Variants in KIF26B observed in about 807,000 individuals in gnomAD.
KIF26B encodes the protein kinesin family member 26B, also known as kinesin-like protein KIF26B.
Under a neutral mutation model 151.2 loss-of-function variants are expected in KIF26B, and 63 were observed. The ratio of observed to expected loss-of-function variants is 0.42; its 90% CI spans 0.34 to 0.51. The LOEUF (loss-of-function observed/expected upper bound fraction) is 0.51, where lower values mean the gene tolerates loss of function less well. Ranked by LOEUF, KIF26B falls within the 20% of genes least tolerant of loss-of-function variation. The probability of loss-of-function intolerance (pLI) is 0.07; values close to 1 mark genes in which losing one functional copy is unlikely to be tolerated. For synonymous variants in KIF26B, 1,357 were observed against 1,262.1 expected (o/e 1.08, Z -1.59); for missense variants, 2,813 against 2,913.6 (o/e 0.97, Z 0.79).
chr1:245,207,519 C>T lies in KIF26B; in HGVS notation c.465+50836C>T, dbSNP rs142465305. On this transcript the variant is annotated intron_variant, in intron 2 of 14. Transcript: ENST00000407071. Reference sequence around the variant, plus strand: ...AAGGACTTACAAGGGACTTACAGTCCGGTGAAGAACTAAACAGCAATGGCA... The same window carrying T: ...AAGGACTTACAAGGGACTTACAGTCTGGTGAAGAACTAAACAGCAATGGCA... Among the ~76,000 whole-genome samples the T allele has an allele frequency of 1.0e-3, 152 of 152,200 alleles. 1 individual carries two copies. Among genetic ancestry groups the T allele is most frequent in the East Asian group, 5.4e-3 (28 of 5,168 alleles).
intron 2 of KIF26B, among the ~76,000 whole-genome samples, chr1:245,271,163 G>A (rs1670850213): frequency 6.6e-6 from 1 of 152,130 alleles, no homozygotes; most frequent in Non-Finnish European, 1.5e-5. Context: ...AGCTTTGTAA[G>A]ATGTTTCGAG....
intron 4 of KIF26B, among the ~76,000 whole-genome samples, chr1:245,446,602 T>G (rs1293302646): frequency 6.6e-6 from 1 of 152,160 alleles, no homozygotes; most frequent in African/African-American, 2.4e-5. Flanking sequence ...TTTTGGTCAT[T>G]ATGGAAATTC....
intron 12 of KIF26B, among the ~76,000 whole-genome samples, chr1:245,690,923 T>A (rs891824183): frequency 6.6e-6 from 1 of 152,212 alleles, no homozygotes; most frequent in Non-Finnish European, 1.5e-5. Flanking sequence ...AACGTATTGA[T>A]GAGAGTAAAA....
intron 2 of KIF26B, among the ~76,000 whole-genome samples, chr1:245,261,455 C>T (rs534245057): frequency 6.3e-5 from 9 of 143,628 alleles, no homozygotes; most frequent in Non-Finnish European, 1.2e-4. Flanking sequence ...TGCTTGCTTG[C>T]TTTTTCTTTC....
intron 2 of KIF26B, among the ~76,000 whole-genome samples, chr1:245,264,803 G>T (rs1670711331): frequency 6.6e-6 from 1 of 151,766 alleles, no homozygotes. Context: ...TGACGTAGGA[G>T]AATGGTGTGA....
At chr1:245,591,969 G>T (rs529387667) in intron 5 of KIF26B, among the ~76,000 whole-genome samples, 6 of 152,128 alleles carry the variant, frequency 3.9e-5, no homozygotes, top group Non-Finnish European at 7.4e-5. Context: ...CCTCCAGCGC[G>T]CAGTCCCTTG....
chr1:245,232,676 G>T (rs564866493), intron 2 of KIF26B, among the ~76,000 whole-genome samples: 3 of 151,348 alleles, frequency 2.0e-5, no homozygotes, highest in Non-Finnish European at 4.4e-5. Flanking sequence ...TTAGCCTCCC[G>T]AGTAGCTGGG....
At chr1:245,351,805 G>T (rs1437991409) in intron 2 of KIF26B, among the ~76,000 whole-genome samples, 1 of 152,158 alleles carries the variant, frequency 6.6e-6, no homozygotes, top group Non-Finnish European at 1.5e-5. Context: ...TCTGTTTTGA[G>T]CCTTTGATTA....
Position 245,541,012 on chromosome 1 carries a change from G to A in KIF26B, c.1350+62G>A. On this transcript the variant is annotated intron_variant, in intron 5 of 14. Transcript: ENST00000407071. ...TGCGAGGTTCTGGATCAAGTTTCAG[G>A]AGGAAGAAAATGAGGCCTCCAATGT... is the stretch of plus-strand genomic sequence containing the variant. 2.1e-6 allele frequency: 3 copies of A among 1,435,528 alleles called. No individual in the cohort carries two copies. The South Asian group carries it at 4.0e-5, about 19-fold the overall frequency. 88.9% of individuals were successfully genotyped at this position (1,435,528 alleles called of 1,614,324 possible). A position where few individuals can be genotyped will look rare whatever the true frequency, so the allele number is the denominator to read the frequency against.
intron 4 of KIF26B, among the ~76,000 whole-genome samples, chr1:245,456,991 G>A (rs996816165): frequency 1.3e-5 from 2 of 152,186 alleles, no homozygotes; most frequent in African/African-American, 4.8e-5. Flanking sequence ...TCAGCCTCCT[G>A]TGTAGCTGGG....
At chr1:245,347,214 T>C (rs767912728) in intron 2 of KIF26B, among the ~76,000 whole-genome samples, 3 of 152,202 alleles carry the variant, frequency 2.0e-5, no homozygotes, top group Non-Finnish European at 2.9e-5. Flanking sequence ...TCACTCCTTT[T>C]AGCATACAAA....
chr1:245,321,550 T>C lies in KIF26B; in HGVS notation c.466-45284T>C, dbSNP rs377382597. Among the ~76,000 whole-genome samples, 5 of 152,222 alleles carry C rather than the reference T, an allele frequency of 3.3e-5. 1 individual carries two copies. The highest frequency in any genetic ancestry group is 1.2e-4 in the African/African-American group (5 of 41,458). Reference sequence around the variant, plus strand: ...ATCAGCAAAACTCTCATTTCAGTTCTAGTGTAGCCTAGCCATGCTAGGCTG... The same window carrying C: ...ATCAGCAAAACTCTCATTTCAGTTCCAGTGTAGCCTAGCCATGCTAGGCTG... On this transcript the variant is annotated intron_variant, in intron 2 of 14. Coordinates refer to ENST00000407071, the MANE Select transcript of KIF26B (RefSeq NM_018012.4).
chr1:245,235,578 G>C (rs1234433062), intron 2 of KIF26B, among the ~76,000 whole-genome samples: 1 of 151,858 alleles, frequency 6.6e-6, no homozygotes, highest in Non-Finnish European at 1.5e-5. Flanking sequence ...GGGTGACAGA[G>C]ACTCTGGAAA....
At chr1:245,342,963 G>A (rs537402879) in intron 2 of KIF26B, among the ~76,000 whole-genome samples, 1 of 151,976 alleles carries the variant, frequency 6.6e-6, no homozygotes, top group Admixed American at 6.6e-5. Flanking sequence ...GTGGGCGCCT[G>A]TAATTCCAGC....
At chr1:245,682,115 C>T (rs937616233) in intron 10 of KIF26B, among the ~76,000 whole-genome samples, 11 of 152,134 alleles carry the variant, frequency 7.2e-5, no homozygotes, top group African/African-American at 9.7e-5. Flanking sequence ...TGTGGTGGCG[C>T]GTGCCTGTAG....
At chr1:245,455,599 G>T (rs145122632) in intron 4 of KIF26B, among the ~76,000 whole-genome samples, 3 of 152,200 alleles carry the variant, frequency 2.0e-5, no homozygotes, top group African/African-American at 4.8e-5. Context: ...TTAAGGTGAC[G>T]ATGCCAAGAG....
chr1:245,578,923 T>C (rs1310470486), intron 5 of KIF26B, among the ~76,000 whole-genome samples: 1 of 152,186 alleles, frequency 6.6e-6, no homozygotes, highest in Non-Finnish European at 1.5e-5. Context: ...TGAAATGACT[T>C]TTGGGTTGGA....
chr1:245,693,053 A>G (rs1395336943), intron 12 of KIF26B, among the ~76,000 whole-genome samples: 1 of 151,974 alleles, frequency 6.6e-6, no homozygotes, highest in Non-Finnish European at 1.5e-5. Context: ...ATCATCCATT[A>G]TATGTTATGT....
chr1:245,698,453 T>G lies in KIF26B; in HGVS notation c.6027+145T>G, dbSNP rs1359849039. 2 of 707,908 alleles carry G rather than the reference T, an allele frequency of 2.8e-6. No individual in the cohort carries two copies. Among genetic ancestry groups the G allele is most frequent in the African/African-American group, 1.8e-5 (1 of 56,068 alleles). 43.9% of individuals were successfully genotyped at this position (707,908 alleles called of 1,614,324 possible). Reference sequence around the variant, plus strand: ...TGGCATGGGTGGTGGGAAGGGGGCTTCTGTCCCAGCAAAGGGCCTTTGGAC... The same window carrying G: ...TGGCATGGGTGGTGGGAAGGGGGCTGCTGTCCCAGCAAAGGGCCTTTGGAC... On this transcript the variant is annotated intron_variant, in intron 13 of 14. Coordinates refer to ENST00000407071, the MANE Select transcript of KIF26B (RefSeq NM_018012.4). This position sits in a 1 kb window ranked among gnomAD's most constrained non-coding sequence, Gnocchi z 4.0.
Sources: gnomAD v4.1 joint callset for allele counts (sites outside exome capture counted in the v4.1 genomes callset) on GRCh38, gnomAD v4.1.1 for gene constraint, Gnocchi (gnomAD v3.1) non-coding constraint, MANE v1.5 for transcripts, NCBI Gene and HGNC (gene_info 2026-07-23, HGNC 2026-07-21) for gene names.